Variants in APLP2 observed in about 807,000 individuals in gnomAD.
APLP2 encodes the protein amyloid beta precursor like protein 2.
A neutral mutation model predicts 89.9 loss-of-function variants in APLP2; 53 were observed. That is an observed-to-expected ratio of 0.59 (90% CI 0.47 to 0.74). APLP2 has a LOEUF of 0.74. Ranked by LOEUF, APLP2 falls within the 30% of genes least tolerant of loss-of-function variation. APLP2 has a pLI of 0.00. For synonymous variants in APLP2, 372 were observed against 348.6 expected (o/e 1.07, Z -0.75); for missense variants, 973 against 975.9 (o/e 1.00, Z 0.04).
Position 130,123,502 on chromosome 11 carries a change from C to A in APLP2, c.923-110C>A. 1 of 1,218,912 alleles carries A rather than the reference C, an allele frequency of 8.2e-7. No individual in the cohort carries two copies. Among genetic ancestry groups the A allele is most frequent in the Non-Finnish European group, 1.1e-6 (1 of 885,958 alleles). The allele number at this position is 1,218,912 out of a possible 1,614,324, so 75.5% of individuals were successfully genotyped here. On this transcript the variant is annotated intron_variant, in intron 6 of 16. Coordinates refer to ENST00000338167, the MANE Select transcript of APLP2 (RefSeq NM_001142276.2). The surrounding 1 kb of genome is among the most constrained non-coding windows in gnomAD (Gnocchi z 4.0). ...CGGCCACCGGGCCTCCAGGCTCCGT[C>A]CAGTCTCAGGCCTCCCCCAGCCCAT...
At chr11:130,096,035 C>T (rs1197281255) in intron 1 of APLP2, among the ~76,000 whole-genome samples, 1 of 152,130 alleles carries the variant, frequency 6.6e-6, no homozygotes, top group African/African-American at 2.4e-5. Flanking sequence ...AGAGATAAAA[C>T]CTGGAATGGG....
chr11:130,122,749 T>A (rs1949964389), intron 6 of APLP2, among the ~76,000 whole-genome samples: 1 of 152,016 alleles, frequency 6.6e-6, no homozygotes, highest in South Asian at 2.1e-4. Context: ...GACTAGAGAG[T>A]AAGAGAGACA....
Position 130,140,455 on chromosome 11 carries a change from A to G in APLP2, c.1895A>G (p.Asn632Ser). Reference protein sequence around the residue: ...GLIGAEEKVINSKNKVDENMV... With the variant: ...GLIGAEEKVISSKNKVDENMV... The stretch of plus-strand genomic sequence containing the variant: ...ATCGGTGCCGAAGAGAAAGTGATTA[A>G]CAGTAAGAATAAAGTGGATGAAAAC... Residue 632 changes from asparagine to serine, a missense_variant, in exon 14 of 17, where the codon AAC becomes AGC. Asn to Ser is a conservative substitution (Grantham distance 46). Coordinates refer to ENST00000338167, the MANE Select transcript of APLP2 (RefSeq NM_001142276.2). The G allele has an allele frequency of 6.2e-7, 1 of 1,611,804 alleles. No individual in the cohort carries two copies. Among genetic ancestry groups the G allele is most frequent in the Admixed American group, 1.7e-5 (1 of 59,550 alleles).
intron 3 of APLP2, among the ~76,000 whole-genome samples, chr11:130,115,580 A>G (rs1376361242): frequency 6.6e-6 from 1 of 152,238 alleles, no homozygotes; most frequent in Admixed American, 6.5e-5. Flanking sequence ...ATATTCATTG[A>G]TCAGCAAAAA....
At position 130,078,157 on chromosome 11, in the gene APLP2, TTTTC is replaced by T. The variant is rs1036591768; in HGVS notation, c.105+8083_105+8086del. On this transcript the variant is annotated intron_variant, in intron 1 of 16. Coordinates refer to ENST00000338167, the MANE Select transcript of APLP2 (RefSeq NM_001142276.2). ...TCGTCCCTAAACACTGTAGTTCAGTTTTTCTTTCTTTTTTTTTTTTTTTAGCTTC... is the reference window on the plus strand; with the variant it reads ...TCGTCCCTAAACACTGTAGTTCAGTTTTTCTTTTTTTTTTTTTTTAGCTTC... Among the ~76,000 whole-genome samples the T allele has an allele frequency of 6.0e-5, 9 of 151,058 alleles. No homozygotes were observed. In the East Asian group the frequency reaches 7.7e-4, roughly 13 times the overall value.
intron 1 of APLP2, among the ~76,000 whole-genome samples, chr11:130,107,464 A>G (rs942929584): frequency 2.6e-5 from 4 of 152,210 alleles, no homozygotes; most frequent in Admixed American, 6.5e-5. Flanking sequence ...CCCATTCACA[A>G]TTGCTTCAAA....
At chr11:130,071,709 T>G (rs547984291) in intron 1 of APLP2, among the ~76,000 whole-genome samples, 1 of 152,374 alleles carries the variant, frequency 6.6e-6, no homozygotes, top group East Asian at 1.9e-4. Flanking sequence ...AATTCATTGT[T>G]GTGTGTTAAA....
At chr11:130,132,987 T>C (rs1951100481) in intron 11 of APLP2, among the ~76,000 whole-genome samples, 3 of 151,996 alleles carry the variant, frequency 2.0e-5, no homozygotes, top group Admixed American at 2.0e-4. Flanking sequence ...TTCTTTTTTT[T>C]TTTTTTGGCT....
At chr11:130,130,193 G>A (rs769314973) in intron 11 of APLP2, 27 bp downstream of exon 11, 3 of 1,614,186 alleles carry the variant, frequency 1.9e-6, no homozygotes, top group Non-Finnish European at 2.5e-6. Flanking sequence ...AGAAATTGCT[G>A]CCGTGAGGGC....
At chr11:130,121,865 G>T in intron 5 of APLP2, 55 bp downstream of exon 5, 1 of 1,575,670 alleles carries the variant, frequency 6.3e-7, no homozygotes, top group Non-Finnish European at 8.6e-7. Context: ...TAGCCCTTCT[G>T]TAAAGACGGC....
At position 130,123,878 on chromosome 11, in the gene APLP2, C is replaced by T; in HGVS notation, c.1090+99C>T. 3 of 1,348,150 alleles carry T rather than the reference C, an allele frequency of 2.2e-6. No homozygotes were observed. Among genetic ancestry groups the T allele is most frequent in the Non-Finnish European group, 3.1e-6 (3 of 970,180 alleles). The allele number at this position is 1,348,150 out of a possible 1,614,324, so 83.5% of individuals were successfully genotyped here. A position where few individuals can be genotyped will look rare whatever the true frequency, so the allele number is the denominator to read the frequency against. On this transcript the variant is annotated intron_variant, in intron 7 of 16. Coordinates refer to ENST00000338167, the MANE Select transcript of APLP2 (RefSeq NM_001142276.2). The surrounding 1 kb of genome is among the most constrained non-coding windows in gnomAD (Gnocchi z 4.0). ...GGCTGCATCTGTGTGGTGTCCCTGC[C>T]CACTCGGGTGTTTGCTGTCGGTCGT...
intron 11 of APLP2, among the ~76,000 whole-genome samples, chr11:130,132,575 CTG>C (rs1951049654): frequency 6.6e-6 from 1 of 150,410 alleles, no homozygotes; most frequent in African/African-American, 2.5e-5. Context: ...TCCTGGAAAA[CTG>C]TAAAAATAGT....
At chr11:130,142,100 T>C (rs1329357542) in intron 16 of APLP2, 26 bp downstream of exon 16, 3 of 1,591,466 alleles carry the variant, frequency 1.9e-6, no homozygotes, top group Non-Finnish European at 2.6e-6. Context: ...GCTGAGGGCC[T>C]GCTCTGCACT....
intron 1 of APLP2, among the ~76,000 whole-genome samples, chr11:130,105,732 T>C (rs1399603002): frequency 2.0e-5 from 3 of 147,114 alleles, no homozygotes; most frequent in African/African-American, 7.8e-5. Flanking sequence ...AGATGGAGTT[T>C]CGCTCTTGTT....
At position 130,123,747 on chromosome 11, in the gene APLP2, A is replaced by G; in HGVS notation, c.1058A>G (p.Glu353Gly). The G allele has an allele frequency of 6.2e-7, 1 of 1,614,214 alleles. No individual in the cohort carries two copies. The highest frequency in any genetic ancestry group is 2.2e-5 in the East Asian group (1 of 44,878). ...GGCAACAGGAACAATTTTGAGTCTG[A>G]GGATTATTGTATGGCTGTGTGTAAA... ...CGGNRNNFES[E>G]DYCMAVCKAM... Residue 353 changes from glutamate to glycine, a missense_variant, in exon 7 of 17, where the codon GAG becomes GGG. Transcript: ENST00000338167. This position sits in a 1 kb window ranked among gnomAD's most constrained non-coding sequence, Gnocchi z 4.0.
At chr11:130,076,420 T>C (rs1302714690) in intron 1 of APLP2, among the ~76,000 whole-genome samples, 1 of 152,178 alleles carries the variant, frequency 6.6e-6, no homozygotes, top group Non-Finnish European at 1.5e-5. Flanking sequence ...CTTTTTTTAG[T>C]AGTAAGTTGT....
At chr11:130,075,242 T>G (rs1284402189) in intron 1 of APLP2, among the ~76,000 whole-genome samples, 1 of 152,208 alleles carries the variant, frequency 6.6e-6, no homozygotes, top group African/African-American at 2.4e-5. Context: ...CTCAAACTCC[T>G]GGGCTCAAGT....
At chr11:130,103,589 T>C (rs1947233276) in intron 1 of APLP2, among the ~76,000 whole-genome samples, 1 of 152,210 alleles carries the variant, frequency 6.6e-6, no homozygotes, top group Non-Finnish European at 1.5e-5. Context: ...TGAACATTTA[T>C]ACAGTTGGAA....
At chr11:130,128,495 A>G (rs1950608240) in intron 9 of APLP2, among the ~76,000 whole-genome samples, 1 of 152,212 alleles carries the variant, frequency 6.6e-6, no homozygotes, top group South Asian at 2.1e-4. Context: ...AAGTCAGTGC[A>G]TCTTGTTCAG....
Sources: allele counts gnomAD v4.1 joint callset (sites outside exome capture counted in the v4.1 genomes callset), GRCh38; gene constraint gnomAD v4.1.1; non-coding constraint Gnocchi (gnomAD v3.1); transcripts MANE v1.5; gene names NCBI Gene and HGNC (gene_info 2026-07-23, HGNC 2026-07-21).